DNAH9: variants seen among roughly 807,000 people sequenced by gnomAD.
DNAH9 encodes the protein DNAH9 variant protein.
In DNAH9, 345 loss-of-function variants were observed where a neutral mutation model predicts 471.6. The observed-to-expected ratio is 0.73, with a 90% CI of 0.67 to 0.80. The LOEUF (loss-of-function observed/expected upper bound fraction) is 0.80. Ranked by LOEUF, DNAH9 falls within the 30% of genes least tolerant of loss-of-function variation. DNAH9 has a pLI of 0.00. For synonymous variants in DNAH9, 2,093 were observed against 2,123.6 expected, an observed-to-expected ratio of 0.99 and a Z score of 0.40; for missense variants, 5,407 against 5,609.2, an observed-to-expected ratio of 0.96 and a Z score of 1.15.
intron 9 of DNAH9, among the ~76,000 whole-genome samples, chr17:11,639,004 C>G (rs1196718778): frequency 6.6e-6 from 1 of 152,210 alleles, no homozygotes; most frequent in Non-Finnish European, 1.5e-5. Context: ...TGCATCAAAT[C>G]TCTGCCTTCC....
intron 6 of DNAH9, among the ~76,000 whole-genome samples, chr17:11,621,236 C>T (rs926473083): frequency 4.0e-5 from 6 of 151,692 alleles, no homozygotes; most frequent in Admixed American, 1.3e-4. Context: ...GGTGAAATCC[C>T]GCCTCTACTA....
At chr17:11,602,340 C>T (rs2072403631) in intron 1 of DNAH9, among the ~76,000 whole-genome samples, 1 of 152,130 alleles carries the variant, frequency 6.6e-6, no homozygotes, top group Admixed American at 6.5e-5. Flanking sequence ...ATTCTTGTCA[C>T]TCTTCATCCT....
intron 49 of DNAH9, among the ~76,000 whole-genome samples, chr17:11,845,986 T>G (rs1176832254): frequency 2.6e-5 from 4 of 152,014 alleles, no homozygotes; most frequent in African/African-American, 9.7e-5. Flanking sequence ...TCTTTTGCTG[T>G]GCAGAAGCTC....
At chr17:11,922,921 T>C (rs1974180238) in intron 61 of DNAH9, among the ~76,000 whole-genome samples, 1 of 152,042 alleles carries the variant, frequency 6.6e-6, no homozygotes, top group Non-Finnish European at 1.5e-5. Flanking sequence ...TCATCAGCAC[T>C]CCCTAGAATG....
intron 67 of DNAH9, among the ~76,000 whole-genome samples, chr17:11,946,663 CAAAAAAAAA>C (rs754149437): frequency 5.9e-5 from 4 of 67,942 alleles, no homozygotes; most frequent in African/African-American, 1.3e-4. Context: ...GACTCCATCT[CAAAAAAAAA>C]AAAAAAAAGA....
intron 67 of DNAH9, among the ~76,000 whole-genome samples, chr17:11,947,122 T>C (rs925546722): frequency 2.0e-5 from 3 of 152,204 alleles, no homozygotes; most frequent in African/African-American, 4.8e-5. Flanking sequence ...TATGTTCCCA[T>C]AGAAAGGAAT....
intron 14 of DNAH9, 125 bp from the exon 15 acceptor site, chr17:11,664,708 T>A (rs1019073929): frequency 1.3e-6 from 1 of 764,598 alleles, no homozygotes; most frequent in African/African-American, 1.8e-5. Context: ...TCGATACATG[T>A]GTAATAGCAA....
intron 67 of DNAH9, among the ~76,000 whole-genome samples, 187 bp from the exon 68 acceptor site, chr17:11,961,680 C>T (rs565995018): frequency 2.0e-5 from 3 of 152,274 alleles, no homozygotes; most frequent in Admixed American, 1.3e-4. Context: ...GACAAACCTT[C>T]CAAAGCAAGT....
At chr17:11,700,841 A>G (rs2074580032) in intron 23 of DNAH9, among the ~76,000 whole-genome samples, 2 of 152,114 alleles carry the variant, frequency 1.3e-5, no homozygotes, top group Non-Finnish European at 2.9e-5. Context: ...ATTTCCTTGT[A>G]TGAGCTCTGG....
intron 67 of DNAH9, among the ~76,000 whole-genome samples, chr17:11,943,237 A>G (rs1975001381): frequency 6.6e-6 from 1 of 152,170 alleles, no homozygotes; most frequent in African/African-American, 2.4e-5. Context: ...GAACACTCAG[A>G]CAAGCCCTGG....
Position 11,969,634 on chromosome 17 carries a change from G to A in DNAH9, c.*107G>A. The A allele has an allele frequency of 1.1e-6, 1 of 906,874 alleles. No individual in the cohort carries two copies. The highest frequency in any genetic ancestry group is 2.6e-5 in the East Asian group (1 of 37,982). 56.2% of individuals were successfully genotyped at this position (906,874 alleles called of 1,614,324 possible). On this transcript the variant is annotated 3_prime_UTR_variant, in exon 69 of 69. Coordinates refer to ENST00000262442, the MANE Select transcript of DNAH9 (RefSeq NM_001372.4). Reference sequence around the variant, plus strand: ...GACACTTAGAACGGTAAGAAACCATGAGCACTCACAATTCTGTAGAATTCC... The same window carrying A: ...GACACTTAGAACGGTAAGAAACCATAAGCACTCACAATTCTGTAGAATTCC...
At position 11,763,517 on chromosome 17, in the gene DNAH9, C is replaced by T. The variant is rs568542419; in HGVS notation, c.7073C>T (p.Thr2358Met). ...VCHLLECLLTTEDIPADCPKE... is the reference protein window; with the variant it reads ...VCHLLECLLTMEDIPADCPKE... ...CACCTTCTGGAATGTCTCCTGACCACGGAGGACATCCCTGCAGACTGCCCT... is the reference window on the plus strand; with the variant it reads ...CACCTTCTGGAATGTCTCCTGACCATGGAGGACATCCCTGCAGACTGCCCT... The change falls in exon 36 of 69, where the codon ACG (threonine) becomes ATG (methionine). Residue 2358 changes from threonine to methionine, a missense_variant. Around this residue, in one of 3 missense-constraint regions of DNAH9, gnomAD observed 4,636 missense variants for 4,900.3 expected, o/e 0.95. Coordinates refer to ENST00000262442, the MANE Select transcript of DNAH9 (RefSeq NM_001372.4). 62 of 1,613,924 alleles carry T rather than the reference C, an allele frequency of 3.8e-5. 1 individual carries two copies. The highest frequency in any genetic ancestry group is 8.9e-5 in the East Asian group (4 of 44,874).
chr17:11,644,766 C>T lies in DNAH9; in HGVS notation c.1970+67C>T, dbSNP rs1349300601. Reference sequence around the variant, plus strand: ...GCCTCCATGCTGCCTTTTGCAGCTCCGAGTTTGTGCAGATTCCTCAGTGGC... The same window carrying T: ...GCCTCCATGCTGCCTTTTGCAGCTCTGAGTTTGTGCAGATTCCTCAGTGGC... On this transcript the variant is annotated intron_variant, in intron 11 of 68. Coordinates refer to ENST00000262442, the MANE Select transcript of DNAH9 (RefSeq NM_001372.4). 4.5e-6 allele frequency: 5 copies of T among 1,121,302 alleles called. No homozygotes were observed. In the South Asian group the frequency reaches 5.2e-5, roughly 12 times the overall value. 69.5% of individuals were successfully genotyped at this position (1,121,302 alleles called of 1,614,324 possible).
chr17:11,627,057 A>G (rs1179369370), intron 6 of DNAH9, among the ~76,000 whole-genome samples: 3 of 152,200 alleles, frequency 2.0e-5, no homozygotes, highest in East Asian at 3.9e-4. Context: ...AATAAGCAGA[A>G]GAAGGGAATA....
chr17:11,775,367 A>G (rs1305909589), intron 38 of DNAH9, among the ~76,000 whole-genome samples: 14 of 152,134 alleles, frequency 9.2e-5, no homozygotes, highest in Non-Finnish European at 1.0e-4. Flanking sequence ...CTAAGCCCCA[A>G]CTGCCAAAAA....
At chr17:11,778,026 G>T (rs1169301397) in intron 38 of DNAH9, among the ~76,000 whole-genome samples, 2 of 152,128 alleles carry the variant, frequency 1.3e-5, no homozygotes, top group Non-Finnish European at 2.9e-5. Context: ...AGGATAGCAG[G>T]TGGGGCTTTG....
At chr17:11,610,229 T>G (rs565496169) in intron 2 of DNAH9, among the ~76,000 whole-genome samples, 167 bp from the exon 3 acceptor site, 53 of 152,214 alleles carry the variant, frequency 3.5e-4, no homozygotes, top group Non-Finnish European at 1.6e-4. Context: ...CGTTGACTAG[T>G]CAACAGAGAC....
chr17:11,721,987 T>C (rs906712139), intron 27 of DNAH9, among the ~76,000 whole-genome samples: 1 of 152,152 alleles, frequency 6.6e-6, no homozygotes, highest in African/African-American at 2.4e-5. Flanking sequence ...GAATGTCAGC[T>C]TTAAAGCCAT....
intron 57 of DNAH9, among the ~76,000 whole-genome samples, chr17:11,888,045 C>T (rs529998664): frequency 1.1e-4 from 17 of 151,176 alleles, no homozygotes; most frequent in South Asian, 2.1e-4. Context: ...TGCAGAGGCG[C>T]GATCTCGGCT....
Sources: allele counts gnomAD v4.1 joint callset (sites outside exome capture counted in the v4.1 genomes callset), GRCh38; gene constraint gnomAD v4.1.1; regional missense constraint gnomAD v4.1.1; transcripts MANE v1.5; gene names NCBI Gene and HGNC (gene_info 2026-07-23, HGNC 2026-07-21).